Variants in CYP7B1 observed in about 807,000 individuals in gnomAD.
The protein encoded by CYP7B1 is cytochrome P450 7B1.
A neutral mutation model predicts 42.7 loss-of-function variants in CYP7B1; 29 were observed. That is an observed-to-expected ratio of 0.68 (90% confidence interval 0.51 to 0.93). The LOEUF (loss-of-function observed/expected upper bound fraction) is 0.93. CYP7B1 is among the 40% of genes least tolerant of loss of function. CYP7B1 has a pLI of 0.00. For missense variants in CYP7B1, 655 were observed against 600.5 expected, an observed-to-expected ratio of 1.09 and a Z score of -0.95; for synonymous variants, 235 against 218.2, an observed-to-expected ratio of 1.08 and a Z score of -0.68.
At chr8:64,708,865 A>G (rs986514167) in intron 1 of CYP7B1, among the ~76,000 whole-genome samples, 6 of 152,202 alleles carry the variant, frequency 3.9e-5, no homozygotes, top group South Asian at 2.1e-4. Flanking sequence ...TCGTATAAGC[A>G]TGTTAGAGGG....
At chr8:64,629,774 A>G (rs1469576760) in intron 1 of CYP7B1, among the ~76,000 whole-genome samples, 1 of 152,270 alleles carries the variant, frequency 6.6e-6, no homozygotes, top group Non-Finnish European at 1.5e-5. Flanking sequence ...TGATGTTAGC[A>G]CAAGGAAACT....
chr8:64,616,129 G>A lies in CYP7B1; in HGVS notation c.412C>T (p.Leu138Phe). Reference sequence around the variant, plus strand: ...TGCAAAAATTGATAGCAGAGGTGAAGCTCATCATTCATGTCATGATTTTTT... The same window carrying A: ...TGCAAAAATTGATAGCAGAGGTGAAACTCATCATTCATGTCATGATTTTTT... ...LQKNHDMNDELHLCYQFLQGK... is the reference protein window; with the variant it reads ...LQKNHDMNDEFHLCYQFLQGK... Residue 138 changes from leucine to phenylalanine, a missense_variant, in exon 3 of 6, where the codon CTT (leucine) becomes TTT (phenylalanine). Physicochemically the swap from Leu to Phe is conservative, Grantham distance 22. Coordinates refer to ENST00000310193, the MANE Select transcript of CYP7B1 (RefSeq NM_004820.5). 1 of 1,613,622 alleles carries A rather than the reference G, an allele frequency of 6.2e-7. No homozygotes were observed. Among genetic ancestry groups the A allele is most frequent in the Non-Finnish European group, 8.5e-7 (1 of 1,179,780 alleles).
chr8:64,750,263 C>G (rs964519995), intron 1 of CYP7B1, among the ~76,000 whole-genome samples: 1 of 152,078 alleles, frequency 6.6e-6, no homozygotes. Context: ...CCACCTTTAC[C>G]TCACTTTAAA....
chr8:64,721,862 A>G (rs1334697624), intron 1 of CYP7B1, among the ~76,000 whole-genome samples: 1 of 152,202 alleles, frequency 6.6e-6, no homozygotes, highest in Admixed American at 6.5e-5. Flanking sequence ...TGTTTCATTT[A>G]TTGAATTATT....
chr8:64,587,699 C>A (rs1804987338), downstream of CYP7B1: 1 of 152,186 alleles, frequency 6.6e-6, no homozygotes, highest in Non-Finnish European at 1.5e-5. Flanking sequence ...TTAACTATTG[C>A]AAAATTATCA....
intron 1 of CYP7B1, among the ~76,000 whole-genome samples, chr8:64,764,991 A>T (rs1028272557): frequency 4.0e-5 from 6 of 151,300 alleles, no homozygotes; most frequent in African/African-American, 1.2e-4. Context: ...AAAAAAAAAA[A>T]CACAATGGAT....
intron 1 of CYP7B1, among the ~76,000 whole-genome samples, chr8:64,657,435 C>A (rs1806137117): frequency 6.6e-6 from 1 of 152,146 alleles, no homozygotes; most frequent in African/African-American, 2.4e-5. Flanking sequence ...CTTTGATGTT[C>A]TCCCGACATT....
At chr8:64,639,878 G>A (rs1333147094) in intron 1 of CYP7B1, among the ~76,000 whole-genome samples, 3 of 151,708 alleles carry the variant, frequency 2.0e-5, no homozygotes, top group African/African-American at 7.3e-5. Context: ...ATTGATTAGT[G>A]AATGGGTAAA....
chr8:64,692,835 T>C (rs902830741), intron 1 of CYP7B1, among the ~76,000 whole-genome samples: 4 of 152,250 alleles, frequency 2.6e-5, no homozygotes, highest in Admixed American at 2.0e-4. Flanking sequence ...ATGAATGAGG[T>C]TCTGTAATTC....
At chr8:64,603,847 A>G (rs1805236598) in intron 5 of CYP7B1, among the ~76,000 whole-genome samples, 1 of 152,250 alleles carries the variant, frequency 6.6e-6, no homozygotes, top group Non-Finnish European at 1.5e-5. Context: ...TGGATGCAAA[A>G]CATCTATCTT....
intron 1 of CYP7B1, among the ~76,000 whole-genome samples, chr8:64,754,381 G>A (rs1252379062): frequency 6.6e-6 from 1 of 152,148 alleles, no homozygotes; most frequent in African/African-American, 2.4e-5. Context: ...AGATCTGCAG[G>A]AGGTCTCAGG....
intron 1 of CYP7B1, among the ~76,000 whole-genome samples, chr8:64,725,534 C>G (rs557967949): frequency 3.3e-5 from 5 of 152,312 alleles, no homozygotes; most frequent in Non-Finnish European, 7.4e-5. Flanking sequence ...CTGACTCTTG[C>G]CCTAGGGTTT....
chr8:64,692,019 G>A (rs1181757430), intron 1 of CYP7B1, among the ~76,000 whole-genome samples: 2 of 152,150 alleles, frequency 1.3e-5, no homozygotes, highest in Non-Finnish European at 2.9e-5. Context: ...AATGTCCTCT[G>A]TGGCCAAAAC....
chr8:64,597,348 T>C (rs1805134539), intron 5 of CYP7B1, among the ~76,000 whole-genome samples: 1 of 152,210 alleles, frequency 6.6e-6, no homozygotes. Context: ...CCACAGGAGC[T>C]GCCTAACTGT....
At chr8:64,631,422 A>G (rs1330420631) in intron 1 of CYP7B1, among the ~76,000 whole-genome samples, 1 of 152,168 alleles carries the variant, frequency 6.6e-6, no homozygotes, top group African/African-American at 2.4e-5. Context: ...TAAACTCAAA[A>G]TGGAAAAAAG....
chr8:64,783,163 T>C (rs1368875243), intron 1 of CYP7B1, among the ~76,000 whole-genome samples: 1 of 152,170 alleles, frequency 6.6e-6, no homozygotes, highest in Admixed American at 6.5e-5. Context: ...TATATTTTAT[T>C]ATAAGAAAAG....
intron 1 of CYP7B1, among the ~76,000 whole-genome samples, chr8:64,667,083 G>T (rs1235201608): frequency 6.6e-6 from 1 of 152,040 alleles, no homozygotes; most frequent in Non-Finnish European, 1.5e-5. Flanking sequence ...AGTCATTTCT[G>T]GTTGATTTGG....
intron 1 of CYP7B1, among the ~76,000 whole-genome samples, chr8:64,689,728 C>T (rs1179814351): frequency 2.0e-5 from 3 of 151,948 alleles, no homozygotes; most frequent in African/African-American, 7.3e-5. Flanking sequence ...CACTACTGCC[C>T]GGCAAATTTT....
At chr8:64,784,662 T>C (rs193210693) in intron 1 of CYP7B1, among the ~76,000 whole-genome samples, 8 of 152,186 alleles carry the variant, frequency 5.3e-5, no homozygotes, top group South Asian at 4.1e-4. Flanking sequence ...CCAGGAATGT[T>C]TGATGCTCTT....
Sources: allele counts gnomAD v4.1 joint callset (sites outside exome capture counted in the v4.1 genomes callset), GRCh38; gene constraint gnomAD v4.1.1; transcripts MANE v1.5; gene names NCBI Gene and HGNC (gene_info 2026-07-23, HGNC 2026-07-21).